The following NPEPL1 variants were observed in gnomAD, a reference collection of about 807,000 sequenced individuals.
NPEPL1 encodes the protein aminopeptidase like 1.
NPEPL1 carries 45 observed loss-of-function variants against 52.4 expected under a neutral mutation model. The ratio of observed to expected loss-of-function variants is 0.86; its 90% CI spans 0.68 to 1.10. NPEPL1 has a LOEUF of 1.10. Ranked by LOEUF, NPEPL1 falls within the 50% of genes least tolerant of loss-of-function variation. The pLI, the probability that NPEPL1 is intolerant of heterozygous loss-of-function variation, is 0.00. For synonymous variants in NPEPL1, 360 were observed against 314.7 expected (o/e 1.14, Z -1.52); for missense variants, 696 against 710.9 (o/e 0.98, Z 0.24).
intron 6 of NPEPL1, 74 bp downstream of exon 6, chr20:58,701,232 C>T (rs1233188224): frequency 2.9e-5 from 5 of 173,460 alleles, no homozygotes; most frequent in Admixed American, 3.4e-4. Context: ...CCGGCTCTCC[C>T]GGGTGCCCTG....
chr20:58,692,860 G>C lies in NPEPL1; in HGVS notation c.-41G>C. ...GGCGAAGGGGGCCGAGCGGCGGGCC[G>C]GGCCGGGCCGGGCAGGGCCGGGGCG... is the stretch of plus-strand genomic sequence containing the variant. On this transcript the variant is annotated 5_prime_UTR_variant, in exon 1 of 12. Coordinates refer to ENST00000356091, the MANE Select transcript of NPEPL1 (RefSeq NM_024663.4). The surrounding 1 kb of genome is among the most constrained non-coding windows in gnomAD (Gnocchi z 5.7). 3.0e-6 allele frequency: 3 copies of C among 996,020 alleles called. No individual in the cohort carries two copies. The highest frequency in any genetic ancestry group is 3.6e-6 in the Non-Finnish European group (3 of 836,334). The allele number at this position is 996,020 out of a possible 1,614,324, so 61.7% of individuals were successfully genotyped here. A position where few individuals can be genotyped will look rare whatever the true frequency, so the allele number is the denominator to read the frequency against.
At chr20:58,692,677 G>GCCGGGCCTGCCCGC (rs1402156920), upstream of NPEPL1, 145 of 358,452 alleles carry the variant, frequency 4.0e-4, no homozygotes, top group African/African-American at 2.9e-3. This position sits in a 1 kb window ranked among gnomAD's most constrained non-coding sequence, Gnocchi z 5.7. Flanking sequence ...GGCCTGCCCG[G>GCCGGGCCTGCCCGC]CCGGGCCTGC....
intron 3 of NPEPL1, among the ~76,000 whole-genome samples, chr20:58,698,451 G>A (rs1375230903): frequency 1.3e-5 from 2 of 152,300 alleles, no homozygotes; most frequent in African/African-American, 4.8e-5. Context: ...TATTTGTGGA[G>A]GCGCAGGGTG....
intron 6 of NPEPL1, chr20:58,704,287 GAA>G (rs3833302): frequency 1.3e-5 from 13 of 976,090 alleles, no homozygotes; most frequent in Non-Finnish European, 1.6e-5. Flanking sequence ...AGTTTTGCAA[GAA>G]AAAAAAAATC....
chr20:58,691,417 G>T, upstream of NPEPL1: 4 of 569,116 alleles, frequency 7.0e-6, no homozygotes, highest in Non-Finnish European at 1.2e-5. Context: ...CCTGCTCTGT[G>T]CCAGGAACTG....
chr20:58,701,058 T>G lies in NPEPL1; in HGVS notation c.722T>G (p.Leu241Arg), dbSNP rs1178896692. The G allele has an allele frequency of 1.9e-6, 3 of 1,596,212 alleles. No individual in the cohort carries two copies. The highest frequency in any genetic ancestry group is 1.7e-6 in the Non-Finnish European group (2 of 1,172,332). ...VGKAALHPPALAVLSHTPDGA... is the reference protein window; with the variant it reads ...VGKAALHPPARAVLSHTPDGA... ...AAAGCCGCCCTGCATCCCCCAGCCC[T>G]GGCCGTCCTCAGCCACACCCCAGAT... Residue 241 changes from leucine to arginine, a missense_variant, in exon 6 of 12, where the codon CTG (leucine) becomes CGG (arginine). Physicochemically the swap from Leu to Arg is moderately radical, Grantham distance 102. Transcript: ENST00000356091.
At chr20:58,714,901 G>A (rs1000514748) in intron 11 of NPEPL1, 96 of 609,798 alleles carry the variant, frequency 1.6e-4, no homozygotes, top group Non-Finnish European at 2.4e-4. Context: ...CCTGGGCCCT[G>A]TCTCACCCAT....
chr20:58,714,054 G>C lies in NPEPL1; in HGVS notation c.1263G>C (p.Glu421Asp). ...LVYCPELHFS[E>D]FTSAVADMKN... ...ACTGCCCCGAGCTGCACTTCAGCGA[G>C]TTCACCTCAGCTGTGGCGGACATGA... Residue 421 changes from glutamate (E) to aspartate (D), a missense_variant, in exon 10 of 12, where the codon GAG (glutamate) becomes GAC (aspartate). Coordinates refer to ENST00000356091, the MANE Select transcript of NPEPL1 (RefSeq NM_024663.4). 6.5e-7 allele frequency: 1 copy of C among 1,545,754 alleles called. No homozygotes were observed. The highest frequency in any genetic ancestry group is 8.7e-7 in the Non-Finnish European group (1 of 1,146,748).
rs113729823 is a variant in NPEPL1 at position 58,698,728 on chromosome 20, C to T, written c.552C>T (p.Ile184=). The T allele has an allele frequency of 5.0e-5, 81 of 1,612,992 alleles. No individual in the cohort carries two copies. Among genetic ancestry groups the T allele is most frequent in the South Asian group, 2.2e-4 (20 of 91,078 alleles). The change falls in exon 4 of 12, where the codon ATC becomes ATT. Residue 184 remains isoleucine (I), a synonymous_variant. Coordinates refer to ENST00000356091, the MANE Select transcript of NPEPL1 (RefSeq NM_024663.4). ...ACGGCGTGCGGCTAGCAGCCCGCAT[C>T]GTGGACACACCCTGCAATGAGATGA... is the stretch of plus-strand genomic sequence containing the variant. The part of the protein sequence containing the change: ...ATDGVRLAAR[I]VDTPCNEMNT...
At chr20:58,702,536 GTTT>G (rs201942484) in intron 6 of NPEPL1, among the ~76,000 whole-genome samples, 1 of 151,188 alleles carries the variant, frequency 6.6e-6, no homozygotes, top group Non-Finnish European at 1.5e-5. Flanking sequence ...AGGGTTTTTT[GTTT>G]TTTTTTAATA....
At chr20:58,710,481 C>T (rs1184383490) in intron 7 of NPEPL1, among the ~76,000 whole-genome samples, 2 of 148,776 alleles carry the variant, frequency 1.3e-5, no homozygotes, top group Non-Finnish European at 2.9e-5. Flanking sequence ...GTGTTAGCGA[C>T]CCTCCAAGCC....
In NPEPL1 at chr20:58,713,857, C is replaced by A; in HGVS notation, c.1126-60C>A. 1 of 1,402,936 alleles carries A rather than the reference C, an allele frequency of 7.1e-7. No homozygotes were observed. Among genetic ancestry groups the A allele is most frequent in the Non-Finnish European group, 9.3e-7 (1 of 1,078,952 alleles). 86.9% of individuals were successfully genotyped at this position (1,402,936 alleles called of 1,614,324 possible). A position where few individuals can be genotyped will look rare whatever the true frequency, so the allele number is the denominator to read the frequency against. On this transcript the variant is annotated intron_variant, in intron 9 of 11. Transcript: ENST00000356091. The surrounding 1 kb of genome is among the most constrained non-coding windows in gnomAD (Gnocchi z 4.6). ...TGTCTGCCTCCCGGTCCCTCTTTTG[C>A]CTTGGGTGTTTCTCTCCTGCCGTCC...
chr20:58,698,320 A>G (rs1601101946), intron 3 of NPEPL1, among the ~76,000 whole-genome samples: 1 of 152,140 alleles, frequency 6.6e-6, no homozygotes, highest in Admixed American at 6.5e-5. Context: ...GGGCATACTC[A>G]GGGGCTGGCA....
intron 1 of NPEPL1, 163 bp downstream of exon 1, chr20:58,693,213 C>A: frequency 5.6e-6 from 2 of 359,222 alleles, no homozygotes; most frequent in Non-Finnish European, 7.8e-6. Flanking sequence ...CCAGTCCTCG[C>A]CCGCGGAGGC....
upstream of NPEPL1, chr20:58,692,614 GGAGGC>G (rs1215574257): frequency 2.9e-5 from 5 of 174,546 alleles, no homozygotes; most frequent in African/African-American, 1.2e-4. The surrounding 1 kb of genome is among the most constrained non-coding windows in gnomAD (Gnocchi z 5.7). Flanking sequence ...CGGCGCCGCT[GGAGGC>G]CGGGCGCGCG....
At chr20:58,691,693 C>CTTTTTTTTTTGTTTTTTTTT, upstream of NPEPL1, 1 of 561,314 alleles carries the variant, frequency 1.8e-6, no homozygotes, top group Non-Finnish European at 2.9e-6. Context: ...TTTTTCTTTT[C>CTTTTTTTTTTGTTTTTTTTT]TTTTTTTTTT....
intron 3 of NPEPL1, among the ~76,000 whole-genome samples, chr20:58,695,431 G>A (rs73124361): frequency 5.9e-5 from 9 of 151,428 alleles, no homozygotes; most frequent in South Asian, 2.1e-4. Context: ...CTGCAAGGCC[G>A]GAAGTGATTT....
chr20:58,692,864 CG>C lies in NPEPL1; in HGVS notation c.-34del. 1.0e-6 allele frequency: 1 copy of C among 1,000,000 alleles called. No homozygotes were observed. The highest frequency in any genetic ancestry group is 1.2e-6 in the Non-Finnish European group (1 of 839,300). 61.9% of individuals were successfully genotyped at this position (1,000,000 alleles called of 1,614,324 possible). ...AAGGGGGCCGAGCGGCGGGCCGGGCCGGGCCGGGCAGGGCCGGGGCGTGGGC... is the reference window on the plus strand; with the variant it reads ...AAGGGGGCCGAGCGGCGGGCCGGGCCGGCCGGGCAGGGCCGGGGCGTGGGC... On this transcript the variant is annotated 5_prime_UTR_variant, in exon 1 of 12. Transcript: ENST00000356091. This position sits in a 1 kb window ranked among gnomAD's most constrained non-coding sequence, Gnocchi z 5.7.
At chr20:58,711,119 C>CCCTCTCCTCCT (rs2084832143) in intron 7 of NPEPL1, 2 of 112,506 alleles carry the variant, frequency 1.8e-5, no homozygotes, top group Non-Finnish European at 3.4e-5. Flanking sequence ...CCCCTCCTCC[C>CCCTCTCCTCCT]CCTCTCCTCC....
Sources: gnomAD v4.1 joint callset for allele counts (sites outside exome capture counted in the v4.1 genomes callset) on GRCh38, gnomAD v4.1.1 for gene constraint, Gnocchi (gnomAD v3.1) non-coding constraint, MANE v1.5 for transcripts, NCBI Gene and HGNC (gene_info 2026-07-23, HGNC 2026-07-21) for gene names.